The following MYO16 variants were observed in gnomAD, a reference collection of about 807,000 sequenced individuals.
MYO16 encodes myosin XVI.
A neutral mutation model predicts 205.3 loss-of-function variants in MYO16; 94 were observed. The observed-to-expected ratio is 0.46, with a 90% CI of 0.39 to 0.54. The LOEUF (loss-of-function observed/expected upper bound fraction) is 0.54, where lower values mean the gene tolerates loss of function less well. Among genes scored for constraint, MYO16 ranks in the 20% least tolerant of loss-of-function variants. MYO16 has a pLI of 0.00. For missense variants in MYO16, 2,315 were observed against 2,387.5 expected, an observed-to-expected ratio of 0.97 and a Z score of 0.63; for synonymous variants, 988 against 954.0, an observed-to-expected ratio of 1.04 and a Z score of -0.66.
At chr13:108,882,330 C>T (rs1156761390) in intron 12 of MYO16, among the ~76,000 whole-genome samples, 1 of 152,184 alleles carries the variant, frequency 6.6e-6, no homozygotes, top group East Asian at 1.9e-4. Flanking sequence ...CTGCACGTTG[C>T]ATTTTGAACC....
chr13:108,554,229 T>C, the MYO16 span, among the ~76,000 whole-genome samples: 1 of 147,144 alleles, frequency 6.8e-6, no homozygotes, highest in African/African-American at 2.5e-5. Context: ...AATTCTGTGT[T>C]GCTCTGCCTT....
At chr13:108,901,657 C>T (rs1054735408) in intron 15 of MYO16, among the ~76,000 whole-genome samples, 1 of 152,202 alleles carries the variant, frequency 6.6e-6, no homozygotes, top group Non-Finnish European at 1.5e-5. Flanking sequence ...CCTTTCTACT[C>T]ATTTTGTTCC....
intron 20 of MYO16, among the ~76,000 whole-genome samples, chr13:108,976,184 T>C (rs1884248854): frequency 6.6e-6 from 1 of 152,144 alleles, no homozygotes; most frequent in African/African-American, 2.4e-5. Flanking sequence ...TTTCACTTTT[T>C]GATGATAATA....
intron 16 of MYO16, among the ~76,000 whole-genome samples, chr13:108,920,954 G>A (rs540074734): frequency 1.4e-4 from 21 of 152,284 alleles, no homozygotes; most frequent in South Asian, 4.1e-4. Flanking sequence ...TTTGCAGAGC[G>A]TGGCCCAAAT....
chr13:109,015,060 C>A (rs2139499838), intron 22 of MYO16, among the ~76,000 whole-genome samples: 1 of 152,300 alleles, frequency 6.6e-6, no homozygotes, highest in Admixed American at 6.5e-5. Flanking sequence ...GGGAACGCTT[C>A]CAGTTATTGC....
chr13:108,999,074 A>G (rs1885130631), intron 21 of MYO16, among the ~76,000 whole-genome samples: 1 of 152,220 alleles, frequency 6.6e-6, no homozygotes, highest in African/African-American at 2.4e-5. Context: ...TTAATTGGAC[A>G]TCATGGGAAA....
chr13:108,988,667 G>C (rs1027187697), intron 20 of MYO16, among the ~76,000 whole-genome samples: 3 of 152,162 alleles, frequency 2.0e-5, no homozygotes, highest in African/African-American at 7.2e-5. Flanking sequence ...ATCCTTGTAA[G>C]GGAGGGAGGT....
At chr13:108,686,552 G>A (rs1286910859) in intron 2 of MYO16, among the ~76,000 whole-genome samples, 1 of 152,140 alleles carries the variant, frequency 6.6e-6, no homozygotes, top group African/African-American at 2.4e-5. Flanking sequence ...GGGATATGGA[G>A]GTGATCACAC....
At chr13:108,843,244 T>A (rs1877338551) in intron 9 of MYO16, among the ~76,000 whole-genome samples, 1 of 152,018 alleles carries the variant, frequency 6.6e-6, no homozygotes, top group South Asian at 2.1e-4. Context: ...ACACCTTAAA[T>A]ATATTCCATT....
At chr13:108,938,072 G>A (rs186450361) in intron 16 of MYO16, among the ~76,000 whole-genome samples, 1 of 151,898 alleles carries the variant, frequency 6.6e-6, no homozygotes, top group Admixed American at 6.6e-5. Context: ...CTATAATGTT[G>A]TTGTTGTTAA....
chr13:108,747,066 C>T (rs1257766907), intron 4 of MYO16, among the ~76,000 whole-genome samples: 2 of 152,140 alleles, frequency 1.3e-5, no homozygotes, highest in African/African-American at 4.8e-5. Flanking sequence ...AATTATCCTT[C>T]AATTATCCTG....
chr13:108,572,234 T>C, the MYO16 span, among the ~76,000 whole-genome samples: 1 of 152,026 alleles, frequency 6.6e-6, no homozygotes, highest in Non-Finnish European at 1.5e-5. Context: ...GCCCCCTCCA[T>C]TTATTTTACT....
At chr13:108,595,902 T>C (rs1420166812), upstream of MYO16, among the ~76,000 whole-genome samples, 1 of 150,460 alleles carries the variant, frequency 6.6e-6, no homozygotes, top group Non-Finnish European at 1.5e-5. Flanking sequence ...TTTTTTTTTT[T>C]TACCTTGAGC....
chr13:109,039,928 A>G (rs1379230247), intron 23 of MYO16, among the ~76,000 whole-genome samples: 2 of 152,168 alleles, frequency 1.3e-5, no homozygotes, highest in African/African-American at 4.8e-5. Context: ...TTATAAACCT[A>G]TAATATGAGT....
At chr13:109,054,284 A>G in intron 25 of MYO16, 1 of 381,084 alleles carries the variant, frequency 2.6e-6, no homozygotes, top group African/African-American at 2.1e-5. Flanking sequence ...AAAAAAATAG[A>G]GTCTACTACC....
chr13:109,007,503 AAAGAT>A (rs1256463251), intron 21 of MYO16, among the ~76,000 whole-genome samples: 2 of 151,494 alleles, frequency 1.3e-5, no homozygotes, highest in East Asian at 3.9e-4. Flanking sequence ...GAGGGAATGG[AAAGAT>A]AAGAATTTGA....
chr13:108,816,288 AT>A (rs1348269918), intron 7 of MYO16, among the ~76,000 whole-genome samples: 2 of 152,292 alleles, frequency 1.3e-5, no homozygotes, highest in Admixed American at 6.5e-5. Flanking sequence ...ATCAAAAGAC[AT>A]TTTTTTAGAA....
intron 1 of MYO16, among the ~76,000 whole-genome samples, chr13:108,599,574 A>G (rs1007552052): frequency 1.1e-4 from 16 of 152,336 alleles, no homozygotes; most frequent in African/African-American, 3.8e-4. Flanking sequence ...TAAGAAGGAT[A>G]CGTACCATAT....
intron 13 of MYO16, among the ~76,000 whole-genome samples, chr13:108,884,303 T>G (rs990768011): frequency 6.6e-6 from 1 of 152,224 alleles, no homozygotes; most frequent in African/African-American, 2.4e-5. Flanking sequence ...GGGCGCACAC[T>G]TTAGTTTTCT....
Sources: gnomAD v4.1 joint callset for allele counts (sites outside exome capture counted in the v4.1 genomes callset) on GRCh38, gnomAD v4.1.1 for gene constraint, MANE v1.5 for transcripts, NCBI Gene and HGNC (gene_info 2026-07-23, HGNC 2026-07-21) for gene names.